The following ZNF93 variants were observed in gnomAD, a reference collection of about 807,000 sequenced individuals.
The protein encoded by ZNF93 is zinc finger protein 93.
Under a neutral mutation model 45.0 loss-of-function variants are expected in ZNF93, and 29 were observed. The ratio of observed to expected loss-of-function variants is 0.64; its 90% CI spans 0.48 to 0.88. ZNF93 has a LOEUF of 0.88. ZNF93 is among the 40% of genes least tolerant of loss of function. The pLI, the probability that ZNF93 is intolerant of heterozygous loss-of-function variation, is 0.00. For missense variants in ZNF93, 578 were observed against 724.0 expected (o/e 0.80, Z 2.31); for synonymous variants, 223 against 244.6 (o/e 0.91, Z 0.82).
Position 19,912,461 on chromosome 19 carries a change from CA to C in ZNF93, c.4-2815del, listed in dbSNP as rs2063311493. Among the ~76,000 whole-genome samples the C allele has an allele frequency of 7.4e-5, 11 of 149,620 alleles. No individual in the cohort carries two copies. The South Asian group carries it at 2.3e-3, about 32-fold the overall frequency. On this transcript the variant is annotated intron_variant, in intron 1 of 3. Coordinates refer to ENST00000343769, the MANE Select transcript of ZNF93 (RefSeq NM_031218.4). ...CTGGTGCTCACAATTTCCTGAAATT[CA>C]AAAGCAGATAAATCGGGAAAAAAAG...
chr19:19,916,755 C>A, intron 3 of ZNF93, 100 bp downstream of exon 3: 1 of 867,950 alleles, frequency 1.2e-6, no homozygotes, highest in South Asian at 2.1e-5. Context: ...AAGCTGTGTT[C>A]CAAAGGAAAT....
chr19:19,932,610 T>G (rs1256413243), intron 3 of ZNF93: 1 of 152,356 alleles, frequency 6.6e-6, no homozygotes, highest in Admixed American at 6.5e-5. Context: ...TACTTTTACC[T>G]AGTGGCTTGC....
Position 19,916,742 on chromosome 19 carries a change from G to T in ZNF93, c.226+87G>T, listed in dbSNP as rs540013655. 1.4e-5 allele frequency: 13 copies of T among 962,530 alleles called. No homozygotes were observed. In the East Asian group the frequency reaches 3.3e-4, roughly 25 times the overall value. The allele number at this position is 962,530 out of a possible 1,614,324, so 59.6% of individuals were successfully genotyped here. On this transcript the variant is annotated intron_variant, in intron 3 of 3. Coordinates refer to ENST00000343769, the MANE Select transcript of ZNF93 (RefSeq NM_031218.4). ...AAAGCCAGTCCTTAAAATGTGATTC[G>T]GGAAGCTGTGTTCCAAAGGAAATAG...
rs146081830 is a variant in ZNF93 at position 19,926,537 on chromosome 19, G to A, written c.227-6645G>A. The stretch of plus-strand genomic sequence containing the variant: ...CTCACTCTGTCGCACAGGCTGGAGC[G>A]CAGTGGCGTGATCTTGCCTCACTGC... On this transcript the variant is annotated intron_variant, in intron 3 of 3. Transcript: ENST00000343769. Among the ~76,000 whole-genome samples the A allele has an allele frequency of 1.3e-3, 199 of 149,978 alleles. 1 individual carries two copies. Among genetic ancestry groups the A allele is most frequent in the African/African-American group, 4.7e-3 (193 of 40,674 alleles).
chr19:19,905,512 CT>C (rs2063290216), intron 1 of ZNF93, among the ~76,000 whole-genome samples: 1 of 152,132 alleles, frequency 6.6e-6, no homozygotes, highest in Non-Finnish European at 1.5e-5. Context: ...TGGTCTCCAG[CT>C]TCATCAAAGT....
intron 1 of ZNF93, 135 bp from the exon 2 acceptor site, chr19:19,915,145 A>C: frequency 6.7e-7 from 1 of 1,497,908 alleles, no homozygotes; most frequent in Middle Eastern, 1.8e-4. Context: ...TCTGTGTTGA[A>C]GATTATTTTA....
chr19:19,903,743 G>A (rs151202613), intron 1 of ZNF93, among the ~76,000 whole-genome samples: 6 of 151,996 alleles, frequency 3.9e-5, no homozygotes, highest in East Asian at 1.9e-4. Context: ...CCAGCTTGGC[G>A]ACAGAGCAAG....
At chr19:19,911,503 G>A (rs934627131) in intron 1 of ZNF93, among the ~76,000 whole-genome samples, 1 of 152,100 alleles carries the variant, frequency 6.6e-6, no homozygotes, top group South Asian at 2.1e-4. Context: ...TGGAGACCCA[G>A]ATAGATAAAC....
intron 3 of ZNF93, among the ~76,000 whole-genome samples, chr19:19,922,066 T>C (rs931722714): frequency 1.1e-4 from 16 of 152,246 alleles, no homozygotes; most frequent in African/African-American, 3.4e-4. Flanking sequence ...TGGCATGTTT[T>C]TGCAGTGGCT....
At chr19:19,902,913 A>C (rs189516289) in intron 1 of ZNF93, among the ~76,000 whole-genome samples, 1 of 151,136 alleles carries the variant, frequency 6.6e-6, no homozygotes, top group Non-Finnish European at 1.5e-5. Flanking sequence ...ATTAAAAAAA[A>C]TTTTTTTAAT....
chr19:19,915,492 C>G, intron 2 of ZNF93, 86 bp downstream of exon 2: 1 of 1,504,134 alleles, frequency 6.6e-7, no homozygotes, highest in East Asian at 2.3e-5. Context: ...GTAATTTATT[C>G]TTTGCATAAA....
intron 1 of ZNF93, chr19:19,909,068 C>T (rs1365016194): frequency 1.3e-5 from 2 of 152,156 alleles, no homozygotes; most frequent in Non-Finnish European, 2.9e-5. Flanking sequence ...GAGGCTGAAA[C>T]ACTGCTCACA....
At chr19:19,917,948 T>C (rs956096147) in intron 3 of ZNF93, among the ~76,000 whole-genome samples, 1 of 151,590 alleles carries the variant, frequency 6.6e-6, no homozygotes, top group Non-Finnish European at 1.5e-5. Context: ...TTCTTTCTTT[T>C]TTTTTCTTTT....
intron 2 of ZNF93, among the ~76,000 whole-genome samples, chr19:19,916,352 C>A: frequency 6.6e-6 from 1 of 152,248 alleles, no homozygotes; most frequent in East Asian, 1.9e-4. Flanking sequence ...CCTGCTTTGG[C>A]CTCCCAAATT....
rs1464751271 is a variant in ZNF93 at position 19,920,974 on chromosome 19, C to T, written c.226+4319C>T. 2.6e-5 allele frequency among the ~76,000 whole-genome samples: 4 copies of T among 151,244 alleles called. No homozygotes were observed. The East Asian group carries it at 7.8e-4, about 29-fold the overall frequency. ...TGCTCTGATCTTAGTTATTTCTTGC[C>T]TTCTGCTAGCTTTTGAATGTGTTTG... On this transcript the variant is annotated intron_variant, in intron 3 of 3. Transcript: ENST00000343769.
chr19:19,901,213 G>T, intron 1 of ZNF93, 122 bp downstream of exon 1: 4 of 1,503,858 alleles, frequency 2.7e-6, no homozygotes, highest in Non-Finnish European at 3.7e-6. Flanking sequence ...CGGAGTTCTT[G>T]CCCAGCTCGG....
intron 1 of ZNF93, among the ~76,000 whole-genome samples, chr19:19,901,819 C>A (rs1461689130): frequency 6.6e-6 from 1 of 151,048 alleles, no homozygotes; most frequent in Non-Finnish European, 1.5e-5. Flanking sequence ...TGGCCCAGCG[C>A]GGTGGCTGAT....
intron 1 of ZNF93, chr19:19,908,221 G>T (rs2063298122): frequency 6.6e-6 from 1 of 152,150 alleles, no homozygotes; most frequent in African/African-American, 2.4e-5. Context: ...ATGTTACAAG[G>T]TCTAATATGT....
At chr19:19,909,147 C>T (rs1029794263) in intron 1 of ZNF93, 1 of 152,258 alleles carries the variant, frequency 6.6e-6, no homozygotes, top group African/African-American at 2.4e-5. Flanking sequence ...GCTCAGACGT[C>T]ACTCTCTGAT....
Sources: gnomAD v4.1 joint callset for allele counts (sites outside exome capture counted in the v4.1 genomes callset) on GRCh38, gnomAD v4.1.1 for gene constraint, MANE v1.5 for transcripts, NCBI Gene and HGNC (gene_info 2026-07-23, HGNC 2026-07-21) for gene names.